The following FAM171A1 variants were observed in gnomAD, a reference collection of about 807,000 sequenced individuals.
The protein encoded by FAM171A1 is family with sequence similarity 171 member A1.
In FAM171A1, 23 loss-of-function variants were observed where a neutral mutation model predicts 74.9. The observed-to-expected ratio is 0.31, with a 90% CI of 0.22 to 0.44. The LOEUF (loss-of-function observed/expected upper bound fraction) is 0.44. FAM171A1 is among the 20% of genes least tolerant of loss of function. The probability of loss-of-function intolerance (pLI) is 1.00; values close to 1 mark genes in which losing one functional copy is unlikely to be tolerated. For missense variants in FAM171A1, 1,162 were observed against 1,159.2 expected, an observed-to-expected ratio of 1.00 and a Z score of -0.03; for synonymous variants, 527 against 505.7, an observed-to-expected ratio of 1.04 and a Z score of -0.57.
intron 1 of FAM171A1, among the ~76,000 whole-genome samples, chr10:15,360,290 T>C (rs1361864956): frequency 1.3e-5 from 2 of 152,206 alleles, no homozygotes; most frequent in Admixed American, 6.5e-5. Context: ...TGAACCATGC[T>C]GTCTATACCC....
intron 2 of FAM171A1, 41 bp downstream of exon 2, chr10:15,283,837 C>T: frequency 1.9e-6 from 3 of 1,596,476 alleles, no homozygotes; most frequent in Non-Finnish European, 1.7e-6. Context: ...CTCCCACCAG[C>T]CAATGCCCTC....
intron 1 of FAM171A1, among the ~76,000 whole-genome samples, chr10:15,358,024 G>T (rs1477172133): frequency 6.6e-6 from 1 of 152,172 alleles, no homozygotes; most frequent in African/African-American, 2.4e-5. Context: ...CACCCAGGCT[G>T]GAGTGCACTG....
chr10:15,299,385 G>A (rs1835200651), intron 1 of FAM171A1, among the ~76,000 whole-genome samples: 1 of 152,180 alleles, frequency 6.6e-6, no homozygotes. Context: ...CCAGTGGAAC[G>A]GTTGCCAAGG....
At chr10:15,276,914 G>T (rs909106578) in intron 2 of FAM171A1, among the ~76,000 whole-genome samples, 1 of 151,946 alleles carries the variant, frequency 6.6e-6, no homozygotes, top group Non-Finnish European at 1.5e-5. Flanking sequence ...TCAAACTCCT[G>T]GGCTCAAGCA....
At chr10:15,264,150 T>A (rs1834707034) in intron 3 of FAM171A1, among the ~76,000 whole-genome samples, 1 of 152,014 alleles carries the variant, frequency 6.6e-6, no homozygotes, top group Non-Finnish European at 1.5e-5. Context: ...GGCTAATTTT[T>A]AAATATTTTT....
At chr10:15,293,153 G>C (rs2131819398) in intron 1 of FAM171A1, among the ~76,000 whole-genome samples, 2 of 152,236 alleles carry the variant, frequency 1.3e-5, no homozygotes, top group South Asian at 4.2e-4. Flanking sequence ...TAAGCATATA[G>C]AATAATGTCT....
chr10:15,351,652 G>GCATGCACGGATGCATGGATGC (rs1564288249), intron 1 of FAM171A1, among the ~76,000 whole-genome samples: 4 of 151,278 alleles, frequency 2.6e-5, no homozygotes, highest in Admixed American at 6.6e-5. Context: ...TGGATGGATG[G>GCATGCACGGATGCATGGATGC]ATGCATGCAC....
At position 15,249,574 on chromosome 10, in the gene FAM171A1, G is replaced by C. The variant is rs546129556; in HGVS notation, c.578-759C>G. Among the ~76,000 whole-genome samples, 197 of 152,298 alleles carry C rather than the reference G, an allele frequency of 1.3e-3. 1 individual carries two copies. Among genetic ancestry groups the C allele is most frequent in the African/African-American group, 4.3e-3 (179 of 41,554 alleles). On this transcript the variant is annotated intron_variant, in intron 4 of 7. Transcript: ENST00000378116. The stretch of plus-strand genomic sequence containing the variant: ...GCAGATAACCTTAATAAAACCAAAT[G>C]TTTTAGAGCAGAGGCTGCTTTTTTT...
chr10:15,251,421 T>A (rs1878625), intron 4 of FAM171A1, among the ~76,000 whole-genome samples: 31,269 of 150,268 alleles, frequency 0.21, 4,299 homozygotes, highest in East Asian at 0.48. Context: ...TTTTTTTTTT[T>A]AGACAGAGTC....
intron 1 of FAM171A1, among the ~76,000 whole-genome samples, chr10:15,360,125 G>A (rs1835976690): frequency 6.6e-6 from 1 of 152,140 alleles, no homozygotes; most frequent in South Asian, 2.1e-4. Flanking sequence ...TAGAGATGAA[G>A]TCCTGCTATG....
intron 5 of FAM171A1, among the ~76,000 whole-genome samples, chr10:15,245,755 G>A (rs1275768465): frequency 6.6e-6 from 1 of 152,184 alleles, no homozygotes; most frequent in African/African-American, 2.4e-5. Flanking sequence ...GCGCTTCAGC[G>A]CCCCCTGGGA....
chr10:15,284,239 T>G (rs1835008815), intron 1 of FAM171A1, 134 bp from the exon 2 acceptor site: 1 of 751,550 alleles, frequency 1.3e-6, no homozygotes, highest in African/African-American at 1.8e-5. Context: ...ATATGCAGTT[T>G]TTACCAGAGA....
chr10:15,225,990 C>G (rs1834101608), intron 5 of FAM171A1, among the ~76,000 whole-genome samples: 1 of 152,188 alleles, frequency 6.6e-6, no homozygotes, highest in African/African-American at 2.4e-5. Flanking sequence ...CCCCCTTCAC[C>G]CTGAGCTTCT....
rs1833935848 is a variant in FAM171A1, at chr10:15,214,207, C to G, written c.1381G>C (p.Val461Leu). The G allele has an allele frequency of 6.2e-7, 1 of 1,614,080 alleles. No homozygotes were observed. Among genetic ancestry groups the G allele is most frequent in the African/African-American group, 1.3e-5 (1 of 74,924 alleles). Reference sequence around the variant, plus strand: ...CTTGCCTTTAAGGGAAAAACCTCCACTGACTTATGGTAGTCTTTCCCCAGC... The same window carrying G: ...CTTGCCTTTAAGGGAAAAACCTCCAGTGACTTATGGTAGTCTTTCCCCAGC... Reference protein sequence around the residue: ...GTLGKDYHKSVEVFPLKARKS... With the variant: ...GTLGKDYHKSLEVFPLKARKS... Residue 461 changes from valine (V) to leucine (L), a missense_variant, in exon 8 of 8, where the codon GTG (valine) becomes CTG (leucine). Val to Leu is a conservative substitution (Grantham distance 32). Transcript: ENST00000378116.
Position 15,213,939 on chromosome 10 carries a change from C to A in FAM171A1, c.1649G>T (p.Arg550Ile), listed in dbSNP as rs1833930298. ...MMSRSVDHLE[R>I]PTSFPRPGQL... ...GCCGGGCCGTGGGAAGGACGTAGGT[C>A]TCTCGAGGTGATCTACTGATCGCGA... Residue 550 changes from arginine (R) to isoleucine (I), a missense_variant, in exon 8 of 8, where the codon AGA becomes ATA. Coordinates refer to ENST00000378116, the MANE Select transcript of FAM171A1 (RefSeq NM_001010924.2). The surrounding 1 kb of genome is among the most constrained non-coding windows in gnomAD (Gnocchi z 6.8). The A allele has an allele frequency of 6.2e-7, 1 of 1,614,174 alleles. No individual in the cohort carries two copies. Among genetic ancestry groups the A allele is most frequent in the Non-Finnish European group, 8.5e-7 (1 of 1,180,044 alleles).
chr10:15,370,899 C>T (rs950681466), intron 1 of FAM171A1, 57 bp downstream of exon 1: 12 of 873,054 alleles, frequency 1.4e-5, no homozygotes, highest in Non-Finnish European at 1.4e-5. Flanking sequence ...GCCGCCGCCG[C>T]CTCCGCGCCA....
chr10:15,223,288 G>A (rs1043108433), intron 5 of FAM171A1, among the ~76,000 whole-genome samples: 3 of 152,220 alleles, frequency 2.0e-5, no homozygotes, highest in Admixed American at 6.5e-5. Context: ...CTTGGCACCC[G>A]TTCAGCTCAT....
intron 1 of FAM171A1, among the ~76,000 whole-genome samples, chr10:15,363,526 C>G (rs7923798): frequency 6.6e-6 from 1 of 152,176 alleles, no homozygotes; most frequent in Non-Finnish European, 1.5e-5. Context: ...GATTCACTCC[C>G]TTCCTCCATT....
At chr10:15,236,946 T>C (rs1458204303) in intron 5 of FAM171A1, among the ~76,000 whole-genome samples, 1 of 151,888 alleles carries the variant, frequency 6.6e-6, no homozygotes, top group Non-Finnish European at 1.5e-5. Flanking sequence ...TACAAAAATA[T>C]GCTGGGTGTG....
Sources: gnomAD v4.1 joint callset for allele counts (sites outside exome capture counted in the v4.1 genomes callset) on GRCh38, gnomAD v4.1.1 for gene constraint, Gnocchi (gnomAD v3.1) non-coding constraint, MANE v1.5 for transcripts, NCBI Gene and HGNC (gene_info 2026-07-23, HGNC 2026-07-21) for gene names.